The following MAN2C1 variants were observed in gnomAD, a reference collection of about 807,000 sequenced individuals.
The protein encoded by MAN2C1 is mannosidase alpha class 2C member 1, also known as alpha-mannosidase 2C1.
In MAN2C1, 111 loss-of-function variants were observed where a neutral mutation model predicts 126.9. The ratio of observed to expected loss-of-function variants is 0.87; its 90% confidence interval spans 0.75 to 1.02. The LOEUF (loss-of-function observed/expected upper bound fraction) is 1.02, where lower values mean the gene tolerates loss of function less well. Among genes scored for constraint, MAN2C1 ranks in the 50% least tolerant of loss-of-function variants. The pLI, the probability that MAN2C1 is intolerant of heterozygous loss-of-function variation, is 0.00. For missense variants in MAN2C1, 1,363 were observed against 1,364.4 expected (o/e 1.00, Z 0.02); for synonymous variants, 567 against 561.5 (o/e 1.01, Z -0.14).
In MAN2C1 at chr15:75,359,615, C is replaced by T. The variant is rs747307499; in HGVS notation, c.1948+5G>A. On this transcript the variant is annotated splice_donor_5th_base_variant and intron_variant, in intron 16 of 25. Transcript: ENST00000267978. ...GCAGTAGCAACCCTTCCCCTCAGCT[C>T]GTACCTAGGCTGTGGGCCCCGCCCG... 1.2e-5 allele frequency: 19 copies of T among 1,613,574 alleles called. No individual in the cohort carries two copies. Among genetic ancestry groups the T allele is most frequent in the Middle Eastern group, 3.3e-4 (2 of 5,996 alleles).
intron 1 of MAN2C1, 123 bp from the exon 2 acceptor site, chr15:75,368,321 CG>C: frequency 6.8e-7 from 1 of 1,460,956 alleles, no homozygotes; most frequent in Non-Finnish European, 9.2e-7. Flanking sequence ...GGCCGCTCCG[CG>C]GCACAGTCCA....
Position 75,359,286 on chromosome 15 carries a change from A to C in MAN2C1, c.2046+42T>G, listed in dbSNP as rs1410997542. ...TCAGGACCCTCAGTTGTAAGAAAGTATCCCAGCACAGTTCCTGCCCCCCAG... is the reference window on the plus strand; with the variant it reads ...TCAGGACCCTCAGTTGTAAGAAAGTCTCCCAGCACAGTTCCTGCCCCCCAG... On this transcript the variant is annotated intron_variant, in intron 17 of 25. Coordinates refer to ENST00000267978, the MANE Select transcript of MAN2C1 (RefSeq NM_006715.4). 3 of 1,577,920 alleles carry C rather than the reference A, an allele frequency of 1.9e-6. No homozygotes were observed. In the South Asian group the frequency reaches 3.5e-5, roughly 18 times the overall value.
At position 75,356,158 on chromosome 15, in the gene MAN2C1, T is replaced by TGGCTG. The variant is rs745408548; in HGVS notation, c.2943_2947dup (p.His983ProfsTer32). ...CGACAAGTGCAGCCAGCAGTCCACGTGGCTGCCGTGGGCCTCATACAGCCT... is the reference window on the plus strand; with the variant it reads ...CGACAAGTGCAGCCAGCAGTCCACGTGGCTGGGCTGCCGTGGGCCTCATACAGCCT... On this transcript the variant is annotated frameshift_variant, in exon 25 of 26. Transcript: ENST00000267978. LOFTEE classifies it high-confidence loss of function. This position sits in a 1 kb window ranked among gnomAD's most constrained non-coding sequence, Gnocchi z 5.8. The TGGCTG allele has an allele frequency of 6.2e-7, 1 of 1,613,582 alleles. No individual in the cohort carries two copies. The highest frequency in any genetic ancestry group is 1.1e-5 in the South Asian group (1 of 91,078).
In MAN2C1 at chr15:75,361,882, C is replaced by G. The variant is rs527329310; in HGVS notation, c.1074G>C (p.Leu358=). 170 of 1,614,130 alleles carry G rather than the reference C, an allele frequency of 1.1e-4. 1 individual carries two copies. The South Asian group carries it at 1.7e-3, about 16-fold the overall frequency. The change falls in exon 9 of 26, where the codon CTG becomes CTC. Residue 358 remains leucine, a synonymous_variant. Transcript: ENST00000267978. This position sits in a 1 kb window ranked among gnomAD's most constrained non-coding sequence, Gnocchi z 5.0. ...RQFLQGQNFF[L]QEFGKMCSEF... ...CAGAGCACATCTTCCCAAACTCCTG[C>G]AGAAAGAAGTTCTGGCCCTGCAAAA...
Position 75,366,505 on chromosome 15 carries a change from AG to A in MAN2C1, c.422+16del, listed in dbSNP as rs1253470246. 4 of 1,611,458 alleles carry A rather than the reference AG, an allele frequency of 2.5e-6. No homozygotes were observed. The highest frequency in any genetic ancestry group is 2.5e-6 in the Non-Finnish European group (3 of 1,178,420). ...CCCTCCCTGACAGCACTGGTCAACC[AG>A]GGCACAGGGACTCACCTTCGGGGGT... On this transcript the variant is annotated intron_variant, in intron 4 of 25. Coordinates refer to ENST00000267978, the MANE Select transcript of MAN2C1 (RefSeq NM_006715.4).
intron 20 of MAN2C1, 50 bp from the exon 21 acceptor site, chr15:75,358,394 G>A: frequency 5.0e-6 from 8 of 1,613,502 alleles, no homozygotes; most frequent in Non-Finnish European, 6.8e-6. Context: ...GACACACCAA[G>A]GCCTGGGGCT....
Position 75,359,444 on chromosome 15 carries a change from C to T in MAN2C1, c.1949-19G>A, listed in dbSNP as rs534494025. 4 of 1,600,618 alleles carry T rather than the reference C, an allele frequency of 2.5e-6. No individual in the cohort carries two copies. Among genetic ancestry groups the T allele is most frequent in the Admixed American group, 1.7e-5 (1 of 59,756 alleles). ...ACCAGGGCTGGGGGTGAGGCCTGGG[C>T]ATCAGTGCAGCCTTCCTGACCTTTC... is the stretch of plus-strand genomic sequence containing the variant. On this transcript the variant is annotated intron_variant, in intron 16 of 25. Transcript: ENST00000267978.
intron 4 of MAN2C1, 44 bp from the exon 5 acceptor site, chr15:75,364,709 G>A (rs2141338141): frequency 2.0e-6 from 3 of 1,509,486 alleles, no homozygotes; most frequent in South Asian, 2.6e-5. Flanking sequence ...GACTGGCACA[G>A]TACTCCGGGG....
rs1004998957 is a variant in MAN2C1, at chr15:75,368,319, C to T, written c.102-121G>A. 3.4e-6 allele frequency: 5 copies of T among 1,471,292 alleles called. No homozygotes were observed. In the African/African-American group the frequency reaches 7.1e-5, roughly 21 times the overall value. The allele number at this position is 1,471,292 out of a possible 1,614,324, so 91.1% of individuals were successfully genotyped here. A position where few individuals can be genotyped will look rare whatever the true frequency, so the allele number is the denominator to read the frequency against. ...CGCCAAGAGGGCTGCCTGGCCGCTC[C>T]GCGGCACAGTCCATTCCCTACCCCC... On this transcript the variant is annotated intron_variant, in intron 1 of 25. Transcript: ENST00000267978.
At chr15:75,367,478 G>T in intron 3 of MAN2C1, 33 bp downstream of exon 3, 1 of 1,610,092 alleles carries the variant, frequency 6.2e-7, no homozygotes, top group Non-Finnish European at 8.5e-7. Flanking sequence ...GCTGAAATGT[G>T]GCCATACCTG....
Position 75,362,706 on chromosome 15 carries a change from C to G in MAN2C1, c.833G>C (p.Arg278Pro). ...PFKETVRKCARSWVTALQLME... is the reference protein window; with the variant it reads ...PFKETVRKCAPSWVTALQLME... ...GAGCTGCAGGGCGGTCACCCAGCTCCGGGCACATTTCCTCACAGTCTCTTT... is the reference window on the plus strand; with the variant it reads ...GAGCTGCAGGGCGGTCACCCAGCTCGGGGCACATTTCCTCACAGTCTCTTT... The change falls in exon 7 of 26, where the codon CGG becomes CCG. Residue 278 changes from arginine (R) to proline (P), a missense_variant. Arg to Pro is a moderately radical substitution (Grantham distance 103). This residue lies in a region of MAN2C1 where 628 missense variants were observed against 609.8 expected (regional missense o/e 1.03). Coordinates refer to ENST00000267978, the MANE Select transcript of MAN2C1 (RefSeq NM_006715.4). The surrounding 1 kb of genome is among the most constrained non-coding windows in gnomAD (Gnocchi z 4.5). The G allele has an allele frequency of 6.2e-7, 1 of 1,614,128 alleles. No individual in the cohort carries two copies. The highest frequency in any genetic ancestry group is 8.5e-7 in the Non-Finnish European group (1 of 1,179,996).
chr15:75,358,675 A>G, intron 19 of MAN2C1, 29 bp downstream of exon 19: 1 of 1,254,128 alleles, frequency 8.0e-7, no homozygotes, highest in Non-Finnish European at 1.1e-6. Flanking sequence ...CACCACCTCC[A>G]CCATCCCCAC....
Position 75,356,049 on chromosome 15 carries a change from G to T in MAN2C1, c.2997-17C>A. 1 of 1,613,848 alleles carries T rather than the reference G, an allele frequency of 6.2e-7. No homozygotes were observed. The highest frequency in any genetic ancestry group is 8.5e-7 in the Non-Finnish European group (1 of 1,179,878). On this transcript the variant is annotated splice_polypyrimidine_tract_variant and intron_variant, in intron 25 of 25. Coordinates refer to ENST00000267978, the MANE Select transcript of MAN2C1 (RefSeq NM_006715.4). This position sits in a 1 kb window ranked among gnomAD's most constrained non-coding sequence, Gnocchi z 5.8. ...AGATCGCAGCTGGAGAACAGGAGGG[G>T]CCATGAAGGCTCTGCGAGGGCGAGA...
At position 75,361,247 on chromosome 15, in the gene MAN2C1, C is replaced by T. The variant is rs776529086; in HGVS notation, c.1314+39G>A. ...CAGCCTGGAACAAGCCAGCCCTCTC[C>T]AGCCTGCCCCTACCCCACCACCCTA... On this transcript the variant is annotated intron_variant, in intron 11 of 25. Coordinates refer to ENST00000267978, the MANE Select transcript of MAN2C1 (RefSeq NM_006715.4). This position sits in a 1 kb window ranked among gnomAD's most constrained non-coding sequence, Gnocchi z 5.0. The T allele has an allele frequency of 3.1e-6, 5 of 1,587,472 alleles. No homozygotes were observed. The South Asian group carries it at 5.7e-5, about 18-fold the overall frequency.
rs369686362 is a variant in MAN2C1 at position 75,359,793 on chromosome 15, G to A, written c.1793-18C>T. 7.4e-5 allele frequency: 119 copies of A among 1,613,644 alleles called. No individual in the cohort carries two copies. The highest frequency in any genetic ancestry group is 1.0e-4 in the Non-Finnish European group (118 of 1,179,892). ...ACGGATGTCTGAGGAAAGACTGGCTGGTCATAGGTGGGCAACAGGTCTGGA... is the reference window on the plus strand; with the variant it reads ...ACGGATGTCTGAGGAAAGACTGGCTAGTCATAGGTGGGCAACAGGTCTGGA... On this transcript the variant is annotated intron_variant, in intron 15 of 25. Transcript: ENST00000267978.
At chr15:75,358,163 GAGGAGTCCA>G in intron 21 of MAN2C1, 29 bp downstream of exon 21, 2 of 1,611,288 alleles carry the variant, frequency 1.2e-6, no homozygotes, top group Non-Finnish European at 1.7e-6. Flanking sequence ...CCCAGCCAGG[GAGGAGTCCA>G]AGGCCACTCC....
chr15:75,361,200 G>C lies in MAN2C1; in HGVS notation c.1315-9C>G, dbSNP rs1314211077. 3 of 1,610,164 alleles carry C rather than the reference G, an allele frequency of 1.9e-6. No individual in the cohort carries two copies. Among genetic ancestry groups the C allele is most frequent in the Non-Finnish European group, 2.5e-6 (3 of 1,178,760 alleles). On this transcript the variant is annotated splice_polypyrimidine_tract_variant and intron_variant, in intron 11 of 25. Coordinates refer to ENST00000267978, the MANE Select transcript of MAN2C1 (RefSeq NM_006715.4). The surrounding 1 kb of genome is among the most constrained non-coding windows in gnomAD (Gnocchi z 5.0). The stretch of plus-strand genomic sequence containing the variant: ...GCCACGGTCTTCAGCACCTAGACAG[G>C]TGAGGGCAGGCCAGCATGGATCAGC...
At position 75,356,059 on chromosome 15, in the gene MAN2C1, C is replaced by A; in HGVS notation, c.2997-27G>T. ...TGGAGAACAGGAGGGGCCATGAAGGCTCTGCGAGGGCGAGACTCGACCCCC... is the reference window on the plus strand; with the variant it reads ...TGGAGAACAGGAGGGGCCATGAAGGATCTGCGAGGGCGAGACTCGACCCCC... On this transcript the variant is annotated intron_variant, in intron 25 of 25. Coordinates refer to ENST00000267978, the MANE Select transcript of MAN2C1 (RefSeq NM_006715.4). This position sits in a 1 kb window ranked among gnomAD's most constrained non-coding sequence, Gnocchi z 5.8. 1 of 1,613,732 alleles carries A rather than the reference C, an allele frequency of 6.2e-7. No individual in the cohort carries two copies. The highest frequency in any genetic ancestry group is 1.7e-4 in the Middle Eastern group (1 of 6,058).
In MAN2C1 at chr15:75,364,081, G is replaced by C. The variant is rs144931327; in HGVS notation, c.708C>G (p.Ala236=). Residue 236 remains alanine, a synonymous_variant, in exon 6 of 26, where the codon GCC becomes GCG. Transcript: ENST00000267978. ...AQPETFPVAQ[A]LASRFFGQHG... is the part of the protein sequence containing the mutation. ...GTTGGCCAAAGAACCTGGAGGCCAG[G>C]GCCTGGGCCACTGGGAAGGTCTCGG... The C allele has an allele frequency of 1.2e-6, 2 of 1,614,196 alleles. No homozygotes were observed. Among genetic ancestry groups the C allele is most frequent in the African/African-American group, 2.7e-5 (2 of 75,074 alleles).
Sources: allele counts gnomAD v4.1 joint callset, GRCh38; gene constraint gnomAD v4.1.1; regional missense constraint gnomAD v4.1.1; non-coding constraint Gnocchi (gnomAD v3.1); transcripts MANE v1.5; gene names NCBI Gene and HGNC (gene_info 2026-07-23, HGNC 2026-07-21).